LYPLA1: variants seen among roughly 807,000 people sequenced by gnomAD.
LYPLA1 encodes lysophospholipase 1, also known as acyl-protein thioesterase 1.
LYPLA1 carries 17 observed loss-of-function variants against 34.0 expected under a neutral mutation model. That is an observed-to-expected ratio of 0.50 (90% CI 0.34 to 0.75). The LOEUF is 0.75. Ranked by LOEUF, LYPLA1 falls within the 30% of genes least tolerant of loss-of-function variation. The pLI, the probability that LYPLA1 is intolerant of heterozygous loss-of-function variation, is 0.01. For missense variants in LYPLA1, 203 were observed against 288.8 expected (o/e 0.70, Z 2.15); for synonymous variants, 98 against 100.8 (o/e 0.97, Z 0.17).
intron 2 of LYPLA1, among the ~76,000 whole-genome samples, chr8:54,078,762 T>G (rs190697624): frequency 9.9e-5 from 15 of 152,284 alleles, no homozygotes; most frequent in Non-Finnish European, 2.1e-4. Context: ...TGAGACAAGA[T>G]TATAGATTCT....
intron 5 of LYPLA1, among the ~76,000 whole-genome samples, chr8:54,056,444 G>A (rs557409552): frequency 6.6e-6 from 1 of 152,186 alleles, no homozygotes; most frequent in East Asian, 1.9e-4. Flanking sequence ...TGGACAAATG[G>A]GATCACATCA....
chr8:54,068,066 T>C (rs967554225), intron 2 of LYPLA1, among the ~76,000 whole-genome samples: 5 of 152,146 alleles, frequency 3.3e-5, no homozygotes, highest in African/African-American at 1.2e-4. Flanking sequence ...ATAAAAAGAT[T>C]AGTAACAACA....
chr8:54,094,866 A>G (rs1030848470), intron 2 of LYPLA1, among the ~76,000 whole-genome samples: 1 of 152,246 alleles, frequency 6.6e-6, no homozygotes, highest in Non-Finnish European at 1.5e-5. Context: ...TTGAGCATCA[A>G]AATAAATAAC....
chr8:54,070,763 C>A (rs1807399785), intron 2 of LYPLA1, among the ~76,000 whole-genome samples: 1 of 152,108 alleles, frequency 6.6e-6, no homozygotes, highest in Non-Finnish European at 1.5e-5. Flanking sequence ...CACAGCCATA[C>A]AACGGAGTAT....
intron 1 of LYPLA1, 37 bp downstream of exon 1, chr8:54,101,718 C>T (rs1256488150): frequency 5.5e-6 from 7 of 1,279,762 alleles, no homozygotes; most frequent in Non-Finnish European, 7.0e-6. Context: ...GTGGCCGGCC[C>T]AGTGGACCCC....
chr8:54,057,450 T>C (rs1806288077), intron 5 of LYPLA1, among the ~76,000 whole-genome samples: 1 of 152,120 alleles, frequency 6.6e-6, no homozygotes, highest in African/African-American at 2.4e-5. Flanking sequence ...GAAAATGTGG[T>C]ACATATGCAC....
At chr8:54,093,487 C>A (rs560940260) in intron 2 of LYPLA1, among the ~76,000 whole-genome samples, 84 of 152,308 alleles carry the variant, frequency 5.5e-4, no homozygotes, top group African/African-American at 1.8e-3. Context: ...AGAAACGGAA[C>A]AGGCAAGGAC....
intron 6 of LYPLA1, chr8:54,053,521 C>A (rs1805992068): frequency 2.3e-6 from 1 of 439,758 alleles, no homozygotes; most frequent in Non-Finnish European, 4.6e-6. Context: ...CTGCCAGCAT[C>A]CAGAAGCCCC....
At chr8:54,095,094 T>C (rs572591190) in intron 2 of LYPLA1, among the ~76,000 whole-genome samples, 100 of 152,008 alleles carry the variant, frequency 6.6e-4, no homozygotes, top group African/African-American at 2.2e-3. Flanking sequence ...AGTGGCACCA[T>C]CTTGGCTCAC....
chr8:54,097,480 G>C (rs565205514), intron 2 of LYPLA1, among the ~76,000 whole-genome samples: 2 of 152,312 alleles, frequency 1.3e-5, no homozygotes, highest in African/African-American at 2.4e-5. Flanking sequence ...TATGACTAGG[G>C]AGGAGATAGC....
At chr8:54,070,541 T>C (rs1453711848) in intron 2 of LYPLA1, among the ~76,000 whole-genome samples, 1 of 152,028 alleles carries the variant, frequency 6.6e-6, no homozygotes, top group Admixed American at 6.6e-5. Context: ...CTGGTCAACA[T>C]GGTGAAACCT....
intron 2 of LYPLA1, among the ~76,000 whole-genome samples, chr8:54,081,135 T>G (rs753963985): frequency 3.9e-5 from 6 of 152,158 alleles, no homozygotes; most frequent in African/African-American, 7.2e-5. Flanking sequence ...CTGTCTGGAG[T>G]AACAGGCTGT....
chr8:54,082,891 T>A (rs1209251307), intron 2 of LYPLA1, among the ~76,000 whole-genome samples: 1 of 152,150 alleles, frequency 6.6e-6, no homozygotes, highest in African/African-American at 2.4e-5. Context: ...TACGCCTGGC[T>A]AATTTTTTGT....
At chr8:54,085,165 T>C (rs1808620011) in intron 2 of LYPLA1, among the ~76,000 whole-genome samples, 4 of 152,240 alleles carry the variant, frequency 2.6e-5, no homozygotes, top group Admixed American at 2.6e-4. Context: ...TTTTGTATTT[T>C]TTGGTTGAGA....
chr8:54,050,087 A>G (rs1016027029), intron 8 of LYPLA1, among the ~76,000 whole-genome samples: 1 of 152,166 alleles, frequency 6.6e-6, no homozygotes, highest in Non-Finnish European at 1.5e-5. Flanking sequence ...TCTCAAGATA[A>G]TTCTTCGTTG....
chr8:54,078,095 C>A (rs1808039329), intron 2 of LYPLA1, among the ~76,000 whole-genome samples: 1 of 151,914 alleles, frequency 6.6e-6, no homozygotes, highest in Non-Finnish European at 1.5e-5. Flanking sequence ...GGATTTCAGG[C>A]GTGCACCACC....
Position 54,051,096 on chromosome 8 carries a change from C to G in LYPLA1, c.555G>C (p.Thr185=), listed in dbSNP as rs759293423. The G allele has an allele frequency of 6.2e-7, 1 of 1,613,816 alleles. No homozygotes were observed. The highest frequency in any genetic ancestry group is 8.5e-7 in the Non-Finnish European group (1 of 1,179,886). ...TCACCAATGTTTTTAGTTTTTCCACCGTAAGAGAACCAAACATCAGGGGAA... is the reference window on the plus strand; with the variant it reads ...TCACCAATGTTTTTAGTTTTTCCACGGTAAGAGAACCAAACATCAGGGGAA... ...PLVPLMFGSL[T]VEKLKTLVNP... Residue 185 remains threonine, a synonymous_variant, in exon 8 of 9, where the codon ACG becomes ACC. Coordinates refer to ENST00000316963, the MANE Select transcript of LYPLA1 (RefSeq NM_006330.4).
At chr8:54,088,666 G>A (rs748168483) in intron 2 of LYPLA1, among the ~76,000 whole-genome samples, 12 of 152,224 alleles carry the variant, frequency 7.9e-5, no homozygotes, top group Middle Eastern at 3.2e-3. Context: ...GTACACAAAC[G>A]TGCAGAGTAG....
intron 2 of LYPLA1, among the ~76,000 whole-genome samples, chr8:54,085,570 G>T (rs865989108): frequency 6.6e-6 from 1 of 151,084 alleles, no homozygotes; most frequent in Admixed American, 6.6e-5. Context: ...CTGGGATGTG[G>T]GGAGCGCCTC....
Sources: gnomAD v4.1 joint callset for allele counts (sites outside exome capture counted in the v4.1 genomes callset) on GRCh38, gnomAD v4.1.1 for gene constraint, MANE v1.5 for transcripts, NCBI Gene and HGNC (gene_info 2026-07-23, HGNC 2026-07-21) for gene names.